Variants in RORB observed in about 807,000 individuals in gnomAD.
RORB encodes RAR related orphan receptor B.
Under a neutral mutation model 59.1 loss-of-function variants are expected in RORB, and 6 were observed. The observed-to-expected ratio is 0.10, with a 90% CI of 0.06 to 0.20. RORB has a LOEUF of 0.20. RORB is among the 10% of genes least tolerant of loss of function. The probability of loss-of-function intolerance (pLI) is 1.00; values close to 1 mark genes in which losing one functional copy is unlikely to be tolerated. For synonymous variants in RORB, 215 were observed against 204.5 expected, an observed-to-expected ratio of 1.05 and a Z score of -0.44; for missense variants, 320 against 560.5, an observed-to-expected ratio of 0.57 and a Z score of 4.33.
intron 1 of RORB, among the ~76,000 whole-genome samples, chr9:74,541,881 C>T (rs1411840003): frequency 3.3e-5 from 5 of 152,138 alleles, no homozygotes; most frequent in Non-Finnish European, 7.4e-5. Flanking sequence ...ACCTCCATGA[C>T]ATTAGATAAT....
chr9:74,518,743 G>A (rs984297653), intron 1 of RORB, among the ~76,000 whole-genome samples: 2 of 151,928 alleles, frequency 1.3e-5, no homozygotes, highest in Non-Finnish European at 2.9e-5. Flanking sequence ...AGCTTTTATA[G>A]ACTAGGTAAC....
At chr9:74,609,945 A>G (rs1470642200) in intron 1 of RORB, among the ~76,000 whole-genome samples, 1 of 152,168 alleles carries the variant, frequency 6.6e-6, no homozygotes, top group African/African-American at 2.4e-5. Flanking sequence ...AGCTCCAGAG[A>G]AAAAAAGAAT....
intron 6 of RORB, among the ~76,000 whole-genome samples, chr9:74,665,194 T>A (rs1386923340): frequency 1.3e-5 from 2 of 152,226 alleles, no homozygotes; most frequent in Non-Finnish European, 2.9e-5. Context: ...ATTCCTCATA[T>A]AAGTATCAAG....
intron 1 of RORB, among the ~76,000 whole-genome samples, chr9:74,564,447 A>C (rs1822441085): frequency 6.6e-6 from 1 of 152,214 alleles, no homozygotes; most frequent in South Asian, 2.1e-4. Flanking sequence ...CCCTTCTTGC[A>C]TCTACTTCCT....
chr9:74,602,778 G>A (rs1394097275), intron 1 of RORB, among the ~76,000 whole-genome samples: 1 of 152,068 alleles, frequency 6.6e-6, no homozygotes, highest in Non-Finnish European at 1.5e-5. Context: ...GTATAAATTG[G>A]TTTCATTTAT....
chr9:74,605,368 G>A (rs1404832066), intron 1 of RORB, among the ~76,000 whole-genome samples: 1 of 152,188 alleles, frequency 6.6e-6, no homozygotes, highest in East Asian at 1.9e-4. Flanking sequence ...TTGTTGGTCA[G>A]TAACCTCCTA....
At chr9:74,571,088 G>A (rs1396154517) in intron 1 of RORB, among the ~76,000 whole-genome samples, 1 of 152,058 alleles carries the variant, frequency 6.6e-6, no homozygotes, top group East Asian at 1.9e-4. Flanking sequence ...TTCATCCCAA[G>A]GCTAAGTCAG....
chr9:74,569,912 T>C lies in RORB; in HGVS notation c.8-60370T>C, dbSNP rs1046875882. The stretch of plus-strand genomic sequence containing the variant: ...GGAAACTCTTGAAATTTTTATTCGA[T>C]TTTTTTAGATCTCACTAAGGTTTTT... On this transcript the variant is annotated intron_variant, in intron 1 of 9. Transcript: ENST00000376896. 5.9e-5 allele frequency among the ~76,000 whole-genome samples: 9 copies of C among 152,166 alleles called. No individual in the cohort carries two copies. The East Asian group carries it at 1.4e-3, about 23-fold the overall frequency.
At chr9:74,666,532 A>G (rs1349202805) in intron 7 of RORB, among the ~76,000 whole-genome samples, 1 of 151,934 alleles carries the variant, frequency 6.6e-6, no homozygotes, top group African/African-American at 2.4e-5. Flanking sequence ...GGGCTGAATT[A>G]TAGATCATTC....
chr9:74,615,761 A>G, intron 1 of RORB: 1 of 287,500 alleles, frequency 3.5e-6, no homozygotes, highest in Non-Finnish European at 7.1e-6. Context: ...GGGGACAAAA[A>G]AATATTTTCT....
intron 1 of RORB, among the ~76,000 whole-genome samples, chr9:74,552,915 C>A (rs530054546): frequency 6.6e-6 from 1 of 152,036 alleles, no homozygotes; most frequent in Non-Finnish European, 1.5e-5. Context: ...TGAATCAAAG[C>A]GGGGACCTAA....
At chr9:74,550,784 T>C (rs1164140554) in intron 1 of RORB, among the ~76,000 whole-genome samples, 2 of 152,242 alleles carry the variant, frequency 1.3e-5, no homozygotes, top group Non-Finnish European at 2.9e-5. Context: ...ATCTCTTCTA[T>C]GAGCATTTAG....
In RORB at chr9:74,671,812, A is replaced by G; in HGVS notation, c.1135A>G (p.Arg379Gly). The change falls in exon 9 of 10, where the codon AGG becomes GGG. Residue 379 changes from arginine to glycine, a missense_variant. Physicochemically the swap from Arg to Gly is moderately radical, Grantham distance 125. Transcript: ENST00000376896. The part of the protein sequence containing the change: ...SPDRAWLIEP[R>G]KVQKLQEKIY... ...AGACCGAGCCTGGCTTATAGAACCA[A>G]GGAAAGTCCAGAAGCTTCAGGAAAA... is the stretch of plus-strand genomic sequence containing the variant. The G allele has an allele frequency of 1.2e-6, 2 of 1,612,566 alleles. No homozygotes were observed. Among genetic ancestry groups the G allele is most frequent in the Non-Finnish European group, 8.5e-7 (1 of 1,178,970 alleles).
intron 1 of RORB, among the ~76,000 whole-genome samples, chr9:74,506,184 A>G (rs1825868932): frequency 6.6e-6 from 1 of 152,046 alleles, no homozygotes; most frequent in Non-Finnish European, 1.5e-5. Context: ...ATCAAGTAGA[A>G]CAAAACCCAT....
intron 3 of RORB, among the ~76,000 whole-genome samples, chr9:74,640,983 G>C (rs1015152229): frequency 6.6e-6 from 1 of 152,160 alleles, no homozygotes; most frequent in African/African-American, 2.4e-5. Flanking sequence ...ATTCTCAGAA[G>C]AGCATCAACC....
intron 4 of RORB, among the ~76,000 whole-genome samples, chr9:74,658,659 C>G (rs1354491976): frequency 6.6e-6 from 1 of 151,994 alleles, no homozygotes; most frequent in Non-Finnish European, 1.5e-5. Flanking sequence ...GCTATAAAAT[C>G]TTTTGTTAAC....
At chr9:74,568,119 C>T (rs753466112) in intron 1 of RORB, among the ~76,000 whole-genome samples, 3 of 152,144 alleles carry the variant, frequency 2.0e-5, no homozygotes, top group Non-Finnish European at 4.4e-5. Context: ...TTTTATAACA[C>T]CTTTCACATG....
chr9:74,682,983 A>G (rs983729314), intron 9 of RORB, among the ~76,000 whole-genome samples: 5 of 152,234 alleles, frequency 3.3e-5, no homozygotes, highest in African/African-American at 1.2e-4. Context: ...AACCCACTGC[A>G]TCAGTGTCTG....
chr9:74,602,163 A>G (rs1823069226), intron 1 of RORB, among the ~76,000 whole-genome samples: 1 of 152,110 alleles, frequency 6.6e-6, no homozygotes, highest in Non-Finnish European at 1.5e-5. Context: ...ACCTTCACGC[A>G]CTGTCTCCCC....
Sources: allele counts gnomAD v4.1 joint callset (sites outside exome capture counted in the v4.1 genomes callset), GRCh38; gene constraint gnomAD v4.1.1; transcripts MANE v1.5; gene names NCBI Gene and HGNC (gene_info 2026-07-23, HGNC 2026-07-21).